Variants in WDPCP observed in about 807,000 individuals in gnomAD.
WDPCP encodes the protein WD repeat-containing and planar cell polarity effector protein fritz homolog.
WDPCP carries 71 observed loss-of-function variants against 93.1 expected under a neutral mutation model. The observed-to-expected ratio is 0.76, with a 90% CI of 0.63 to 0.93. WDPCP has a LOEUF of 0.93. Ranked by LOEUF, WDPCP falls within the 40% of genes least tolerant of loss-of-function variation. The pLI, the probability that WDPCP is intolerant of heterozygous loss-of-function variation, is 0.00. For missense variants in WDPCP, 844 were observed against 887.4 expected, an observed-to-expected ratio of 0.95 and a Z score of 0.62; for synonymous variants, 315 against 315.0, an observed-to-expected ratio of 1.00 and a Z score of 0.00.
intron 10 of WDPCP, among the ~76,000 whole-genome samples, chr2:63,391,071 G>A (rs997555474): frequency 6.6e-6 from 1 of 152,112 alleles, no homozygotes; most frequent in Non-Finnish European, 1.5e-5. Context: ...ACAAAAGCCT[G>A]GCAGAGACAC....
chr2:63,254,582 C>A lies in WDPCP; in HGVS notation c.1915+4725G>T, dbSNP rs142310456. ...CAGTTCTAAGAAATAATGGAGAAGT[C>A]CCATGTCTCTTTTATCCAGTTTCTT... On this transcript the variant is annotated intron_variant, in intron 14 of 17. Coordinates refer to ENST00000272321, the MANE Select transcript of WDPCP (RefSeq NM_015910.7). 3.9e-5 allele frequency among the ~76,000 whole-genome samples: 6 copies of A among 152,012 alleles called. No individual in the cohort carries two copies. In the East Asian group the frequency reaches 1.2e-3, roughly 29 times the overall value.
chr2:63,567,129 T>C lies in WDPCP; in HGVS notation c.75+21068A>G, dbSNP rs531632195. Among the ~76,000 whole-genome samples, 5 of 152,268 alleles carry C rather than the reference T, an allele frequency of 3.3e-5. No individual in the cohort carries two copies. The South Asian group carries it at 1.0e-3, about 32-fold the overall frequency. On this transcript the variant is annotated intron_variant, in intron 1 of 17. Transcript: ENST00000272321. ...ACCCAGAAGCTCTGAACTCTGTTAT[T>C]TAGTGGCGTTAAAGGTTTCATTAAT...
chr2:63,252,827 C>T (rs1680847139), intron 14 of WDPCP, among the ~76,000 whole-genome samples: 1 of 152,136 alleles, frequency 6.6e-6, no homozygotes, highest in Non-Finnish European at 1.5e-5. Context: ...ATTAAAATGT[C>T]CATACTGCCC....
At chr2:63,374,176 C>T (rs986455026) in intron 12 of WDPCP, among the ~76,000 whole-genome samples, 5 of 151,794 alleles carry the variant, frequency 3.3e-5, no homozygotes, top group African/African-American at 1.2e-4. Context: ...TCTGATACAA[C>T]CTCCCATTCT....
At chr2:63,498,233 C>T (rs779736345) in intron 1 of WDPCP, among the ~76,000 whole-genome samples, 1 of 152,188 alleles carries the variant, frequency 6.6e-6, no homozygotes, top group Non-Finnish European at 1.5e-5. Context: ...TCTTTAATTA[C>T]ATAAGGCATT....
chr2:63,505,871 C>A (rs922395781), intron 1 of WDPCP, among the ~76,000 whole-genome samples: 2 of 151,994 alleles, frequency 1.3e-5, no homozygotes, highest in Non-Finnish European at 2.9e-5. Context: ...AGAACTTGTT[C>A]TTGAGGATAT....
At chr2:63,797,918 C>T (rs1252069528) in intron 2 of WDPCP, among the ~76,000 whole-genome samples, 1 of 151,996 alleles carries the variant, frequency 6.6e-6, no homozygotes, top group Non-Finnish European at 1.5e-5. Context: ...AAGAAAGGAT[C>T]CTAAAAGCAT....
intron 13 of WDPCP, among the ~76,000 whole-genome samples, chr2:63,266,055 C>T (rs1682088030): frequency 2.0e-5 from 3 of 152,136 alleles, no homozygotes; most frequent in South Asian, 4.1e-4. Context: ...ATGTCATACT[C>T]ATTTGTGAAA....
At chr2:63,397,608 A>G (rs1466353377) in intron 10 of WDPCP, among the ~76,000 whole-genome samples, 1 of 152,198 alleles carries the variant, frequency 6.6e-6, no homozygotes, top group Non-Finnish European at 1.5e-5. Flanking sequence ...TGTGATAGAA[A>G]GTTGCATTTG....
At chr2:63,247,689 A>C (rs917148520) in intron 14 of WDPCP, among the ~76,000 whole-genome samples, 2 of 151,238 alleles carry the variant, frequency 1.3e-5, no homozygotes, top group East Asian at 1.9e-4. Flanking sequence ...AAAAAAAAAA[A>C]CACCACCAAA....
chr2:63,391,645 A>T (rs1464022446), intron 10 of WDPCP, among the ~76,000 whole-genome samples: 1 of 152,180 alleles, frequency 6.6e-6, no homozygotes, highest in Non-Finnish European at 1.5e-5. Flanking sequence ...AAACCCCATC[A>T]TCTCAGCTCA....
intron 10 of WDPCP, among the ~76,000 whole-genome samples, chr2:63,388,655 AAGTT>A (rs1692948560): frequency 6.6e-6 from 1 of 152,224 alleles, no homozygotes; most frequent in African/African-American, 2.4e-5. Context: ...ACCTTGAAAA[AAGTT>A]AGACGAATGG....
chr2:63,569,393 T>C (rs1707307941), intron 1 of WDPCP, among the ~76,000 whole-genome samples: 1 of 152,246 alleles, frequency 6.6e-6, no homozygotes, highest in African/African-American at 2.4e-5. Context: ...GGAGAGCAGA[T>C]ACATGTATTT....
chr2:63,362,584 T>C (rs548008801), intron 12 of WDPCP, among the ~76,000 whole-genome samples: 1 of 152,082 alleles, frequency 6.6e-6, no homozygotes, highest in Non-Finnish European at 1.5e-5. Flanking sequence ...GGTGTTCCCA[T>C]AGATTTGAAA....
intron 1 of WDPCP, among the ~76,000 whole-genome samples, chr2:63,568,290 T>G (rs1445943095): frequency 6.6e-6 from 1 of 151,886 alleles, no homozygotes; most frequent in East Asian, 1.9e-4. Context: ...ATATAACTAC[T>G]TTAGGTTAGA....
chr2:63,245,368 G>T (rs34868344), intron 14 of WDPCP, among the ~76,000 whole-genome samples: 19,941 of 152,162 alleles, frequency 0.13, 1,683 homozygotes, highest in Middle Eastern at 0.23. Context: ...ACGGGTAACA[G>T]TGATAAGAAA....
At chr2:63,589,062 G>A (rs1476986258), upstream of WDPCP, 3 of 1,614,068 alleles carry the variant, frequency 1.9e-6, no homozygotes, top group African/African-American at 2.7e-5. Context: ...TGTGGGCCCC[G>A]GGTTCCTGCC....
At chr2:63,679,326 G>C (rs548806219) in intron 2 of WDPCP, among the ~76,000 whole-genome samples, 1 of 151,968 alleles carries the variant, frequency 6.6e-6, no homozygotes, top group Non-Finnish European at 1.5e-5. Context: ...CTACATTCTC[G>C]GTGTACAGTG....
chr2:63,533,721 G>A (rs1704042804), intron 1 of WDPCP, among the ~76,000 whole-genome samples: 1 of 152,090 alleles, frequency 6.6e-6, no homozygotes, highest in Non-Finnish European at 1.5e-5. Context: ...TGTGTAGAGG[G>A]AAATTTATAG....
Sources: allele counts gnomAD v4.1 joint callset (sites outside exome capture counted in the v4.1 genomes callset), GRCh38; gene constraint gnomAD v4.1.1; transcripts MANE v1.5; gene names NCBI Gene and HGNC (gene_info 2026-07-23, HGNC 2026-07-21).